RAD51B: variants seen among roughly 807,000 people sequenced by gnomAD.
The protein encoded by RAD51B is RAD51 paralog B, also known as DNA repair protein RAD51 homolog 2.
In RAD51B, 38 loss-of-function variants were observed where a neutral mutation model predicts 42.2. The observed-to-expected ratio is 0.90, with a 90% CI of 0.70 to 1.18. The LOEUF is 1.18. Among genes scored for constraint, RAD51B ranks in the 50% most tolerant of loss-of-function variants. The pLI is 0.00. For missense variants in RAD51B, 373 were observed against 400.7 expected (o/e 0.93, Z 0.59); for synonymous variants, 154 against 145.2 (o/e 1.06, Z -0.43).
intron 7 of RAD51B, among the ~76,000 whole-genome samples, chr14:68,277,724 G>C (rs2081250944): frequency 6.6e-6 from 1 of 152,036 alleles, no homozygotes; most frequent in Non-Finnish European, 1.5e-5. Flanking sequence ...GAGAATCAGA[G>C]GTATGTTCTG....
At chr14:68,339,841 T>C (rs770433185) in intron 8 of RAD51B, among the ~76,000 whole-genome samples, 5 of 152,204 alleles carry the variant, frequency 3.3e-5, no homozygotes, top group African/African-American at 4.8e-5. Flanking sequence ...TACAGTAAGA[T>C]AGCAATCTAA....
At chr14:68,519,947 A>G (rs1886454850) in intron 10 of RAD51B, among the ~76,000 whole-genome samples, 1 of 152,242 alleles carries the variant, frequency 6.6e-6, no homozygotes, top group Admixed American at 6.5e-5. Flanking sequence ...CTTTGCCTAG[A>G]TGTAAAACAG....
At chr14:68,541,940 A>G (rs950306727) in intron 10 of RAD51B, 12 of 580,548 alleles carry the variant, frequency 2.1e-5, no homozygotes, top group Non-Finnish European at 2.6e-5. Flanking sequence ...TTTTTGATTT[A>G]ACACCCCATC....
At chr14:68,443,944 G>A (rs1283856571) in intron 9 of RAD51B, among the ~76,000 whole-genome samples, 1 of 152,106 alleles carries the variant, frequency 6.6e-6, no homozygotes, top group African/African-American at 2.4e-5. Context: ...AAATAGTAGT[G>A]CTAGGTACCT....
chr14:68,512,584 G>A (rs1165560965), intron 10 of RAD51B, among the ~76,000 whole-genome samples: 2 of 151,988 alleles, frequency 1.3e-5, no homozygotes, highest in Non-Finnish European at 2.9e-5. Context: ...CTCTGCCCTG[G>A]CCCCCACACT....
chr14:68,188,617 A>G (rs1425367463), intron 7 of RAD51B, among the ~76,000 whole-genome samples: 2 of 152,172 alleles, frequency 1.3e-5, no homozygotes, highest in East Asian at 1.9e-4. Context: ...TTTTTTCCAC[A>G]CTGACATTCT....
intron 7 of RAD51B, among the ~76,000 whole-genome samples, chr14:68,277,324 A>C (rs537836711): frequency 6.6e-6 from 1 of 152,348 alleles, no homozygotes; most frequent in African/African-American, 2.4e-5. Flanking sequence ...TCCACGGGAC[A>C]TAACAATTCA....
chr14:68,362,599 C>T (rs1468976849), intron 8 of RAD51B, among the ~76,000 whole-genome samples: 1 of 152,144 alleles, frequency 6.6e-6, no homozygotes, highest in African/African-American at 2.4e-5. Context: ...CCTGTAATCC[C>T]AACACTTTGG....
In RAD51B at chr14:68,586,664, T is replaced by C. The variant is rs186873722; in HGVS notation, c.1037-7821T>C. ...TAATTCGGCTTCACAGACACTCCCA[T>C]TCTCAGCATGTACCCCATGGAAATC... On this transcript the variant is annotated intron_variant, in intron 10 of 10. Transcript: ENST00000487270. Among the ~76,000 whole-genome samples, 21 of 152,282 alleles carry C rather than the reference T, an allele frequency of 1.4e-4. No homozygotes were observed. In the East Asian group the frequency reaches 3.7e-3, roughly 27 times the overall value.
chr14:68,334,167 G>A (rs971866714), intron 8 of RAD51B, among the ~76,000 whole-genome samples: 1 of 152,062 alleles, frequency 6.6e-6, no homozygotes, highest in African/African-American at 2.4e-5. Context: ...GGGATGAGGG[G>A]TGCTAACCCT....
intron 7 of RAD51B, among the ~76,000 whole-genome samples, chr14:67,958,791 C>T (rs187431079): frequency 1.3e-5 from 2 of 152,268 alleles, no homozygotes; most frequent in African/African-American, 4.8e-5. Flanking sequence ...TGTAAACTTG[C>T]ATCACTCTAA....
chr14:67,884,570 A>G (rs2043008269), intron 5 of RAD51B, among the ~76,000 whole-genome samples: 1 of 152,134 alleles, frequency 6.6e-6, no homozygotes. Flanking sequence ...CCAAACCCTC[A>G]GGATTTGGCT....
chr14:68,667,539 A>C (rs1489357073), intron 11 of RAD51B, among the ~76,000 whole-genome samples: 1 of 152,204 alleles, frequency 6.6e-6, no homozygotes, highest in African/African-American at 2.4e-5. Context: ...TGACACATAA[A>C]ATTAACCATT....
chr14:68,305,086 T>C (rs117399501), intron 8 of RAD51B, among the ~76,000 whole-genome samples: 1,614 of 152,254 alleles, frequency 0.011, 22 homozygotes, highest in Non-Finnish European at 0.012. Context: ...AAATATGAAG[T>C]GGGTTCTAGT....
chr14:67,969,567 G>A (rs968338765), intron 7 of RAD51B, among the ~76,000 whole-genome samples: 2 of 152,040 alleles, frequency 1.3e-5, no homozygotes, highest in African/African-American at 2.4e-5. Flanking sequence ...TATAAGATGA[G>A]GGCATTAGGT....
chr14:68,450,434 G>C (rs2085530459), intron 9 of RAD51B, among the ~76,000 whole-genome samples: 1 of 152,074 alleles, frequency 6.6e-6, no homozygotes, highest in African/African-American at 2.4e-5. Context: ...GACCAGGCTG[G>C]TCTCGAACTC....
chr14:67,851,606 C>T (rs1360302352), intron 4 of RAD51B, among the ~76,000 whole-genome samples: 1 of 151,016 alleles, frequency 6.6e-6, no homozygotes, highest in East Asian at 2.0e-4. Context: ...GCAGGGGTGG[C>T]CACGGCAGAG....
chr14:68,598,021 T>G (rs1226440183), downstream of RAD51B, among the ~76,000 whole-genome samples: 2 of 151,998 alleles, frequency 1.3e-5, no homozygotes, highest in Non-Finnish European at 2.9e-5. Context: ...CTTAGAAAAA[T>G]AGACGGCCGT....
At chr14:67,929,940 G>A (rs1341547220) in intron 7 of RAD51B, among the ~76,000 whole-genome samples, 2 of 151,836 alleles carry the variant, frequency 1.3e-5, no homozygotes, top group Non-Finnish European at 2.9e-5. Flanking sequence ...AGGAGCCATC[G>A]TGCCCAGCTT....
Sources: gnomAD v4.1 joint callset for allele counts (sites outside exome capture counted in the v4.1 genomes callset) on GRCh38, gnomAD v4.1.1 for gene constraint, MANE v1.5 for transcripts, NCBI Gene and HGNC (gene_info 2026-07-23, HGNC 2026-07-21) for gene names.